SLC7A13: variants seen among roughly 807,000 people sequenced by gnomAD.
The protein encoded by SLC7A13 is solute carrier family 7 member 13.
A neutral mutation model predicts 32.0 loss-of-function variants in SLC7A13; 31 were observed. The observed-to-expected ratio is 0.97, with a 90% CI of 0.73 to 1.31. The LOEUF is 1.31. Ranked by LOEUF, SLC7A13 falls within the 50% of genes most tolerant of loss-of-function variation. The probability of loss-of-function intolerance (pLI) is 0.00; values close to 1 mark genes in which losing one functional copy is unlikely to be tolerated. For synonymous variants in SLC7A13, 232 were observed against 206.9 expected (o/e 1.12, Z -1.04); for missense variants, 633 against 546.9 (o/e 1.16, Z -1.57).
intron 2 of SLC7A13, among the ~76,000 whole-genome samples, chr8:86,222,013 C>G (rs946728821): frequency 2.0e-5 from 3 of 152,110 alleles, no homozygotes; most frequent in Admixed American, 6.6e-5. Flanking sequence ...CCCACAGACA[C>G]TCAGAAGCTT....
intron 1 of SLC7A13, among the ~76,000 whole-genome samples, chr8:86,226,023 C>T (rs1444217534): frequency 6.6e-6 from 1 of 152,124 alleles, no homozygotes; most frequent in Non-Finnish European, 1.5e-5. Flanking sequence ...CTTAGATGTA[C>T]TTAAGACTTA....
At chr8:86,218,617 A>G (rs1346443750) in intron 2 of SLC7A13, among the ~76,000 whole-genome samples, 3 of 152,174 alleles carry the variant, frequency 2.0e-5, no homozygotes, top group South Asian at 2.1e-4. Flanking sequence ...TGTTCATGGT[A>G]CTAAGATTAA....
intron 1 of SLC7A13, among the ~76,000 whole-genome samples, chr8:86,228,649 C>T (rs139587980): frequency 4.7e-4 from 72 of 152,168 alleles, no homozygotes; most frequent in African/African-American, 1.7e-3. Context: ...TGTTCGAGAC[C>T]AACCTGGCCA....
intron 3 of SLC7A13, among the ~76,000 whole-genome samples, chr8:86,217,179 A>G (rs1181545502): frequency 6.6e-6 from 1 of 152,210 alleles, no homozygotes; most frequent in South Asian, 2.1e-4. Flanking sequence ...GACTAGTTAC[A>G]TAAGTAGACA....
chr8:86,215,057 C>A (rs529793644), intron 3 of SLC7A13, among the ~76,000 whole-genome samples: 1 of 152,208 alleles, frequency 6.6e-6, no homozygotes, highest in South Asian at 2.1e-4. Flanking sequence ...CTCAGACTGT[C>A]TGTTACACAG....
Position 86,214,224 on chromosome 8 carries a change from A to C in SLC7A13, c.*189T>G. On this transcript the variant is annotated 3_prime_UTR_variant, in exon 4 of 4. Coordinates refer to ENST00000297524, the MANE Select transcript of SLC7A13 (RefSeq NM_138817.3). The stretch of plus-strand genomic sequence containing the variant: ...ACCATGCGAAGCAGAGCTTTTAGCA[A>C]TTTCTTAGTGACTCTGAAGCCAGGT... The C allele has an allele frequency of 2.1e-6, 1 of 467,672 alleles. No individual in the cohort carries two copies. Among genetic ancestry groups the C allele is most frequent in the Non-Finnish European group, 3.8e-6 (1 of 265,682 alleles). The allele number at this position is 467,672 out of a possible 1,614,324, so 29.0% of individuals were successfully genotyped here. A position where few individuals can be genotyped will look rare whatever the true frequency, so the allele number is the denominator to read the frequency against.
At chr8:86,224,797 G>A (rs1214215941) in intron 1 of SLC7A13, among the ~76,000 whole-genome samples, 1 of 152,064 alleles carries the variant, frequency 6.6e-6, no homozygotes, top group Non-Finnish European at 1.5e-5. Context: ...TTGAAACAAA[G>A]TTCAAGAGAA....
At chr8:86,228,630 G>T (rs901919381) in intron 1 of SLC7A13, among the ~76,000 whole-genome samples, 2 of 152,034 alleles carry the variant, frequency 1.3e-5, no homozygotes, top group African/African-American at 4.8e-5. Context: ...TGGCTCACAT[G>T]AGGCCAAGTG....
In SLC7A13 at chr8:86,214,490, A is replaced by T; in HGVS notation, c.1336T>A (p.Leu446Met). The change falls in exon 4 of 4, where the codon TTG (leucine) becomes ATG (methionine). Residue 446 changes from leucine (L) to methionine (M), a missense_variant. By Grantham distance (15) the Leu-to-Met change is conservative. Transcript: ENST00000297524. ...CAAGTCATCTTCTCAAACCAAGCCA[A>T]TCTTATTTTAAAATGTATTAAAGGT... ...YIPLIHFKIRLAWFEKMTCYL... is the reference protein window; with the variant it reads ...YIPLIHFKIRMAWFEKMTCYL... The T allele has an allele frequency of 6.2e-7, 1 of 1,612,652 alleles. No individual in the cohort carries two copies. Among genetic ancestry groups the T allele is most frequent in the Non-Finnish European group, 8.5e-7 (1 of 1,179,296 alleles).
chr8:86,224,827 A>C (rs1820361559), intron 1 of SLC7A13, among the ~76,000 whole-genome samples: 1 of 152,212 alleles, frequency 6.6e-6, no homozygotes, highest in South Asian at 2.1e-4. Context: ...AATGGTGTTA[A>C]AAAAGAAAGG....
chr8:86,227,758 T>TA (rs1359665670), intron 1 of SLC7A13, among the ~76,000 whole-genome samples: 4 of 152,162 alleles, frequency 2.6e-5, no homozygotes, highest in African/African-American at 9.7e-5. Flanking sequence ...TACACAGCCC[T>TA]AAAAAGAATG....
chr8:86,219,528 C>A (rs1167499529), intron 2 of SLC7A13, among the ~76,000 whole-genome samples: 2 of 152,164 alleles, frequency 1.3e-5, no homozygotes, highest in Admixed American at 1.3e-4. Flanking sequence ...CCTCTCCTCA[C>A]CAGCCTCCCA....
chr8:86,217,864 G>A lies in SLC7A13; in HGVS notation c.818-33C>T, dbSNP rs554045195. The stretch of plus-strand genomic sequence containing the variant: ...AAAACAAAAATACACAAAAGAAAAT[G>A]TGTTAAAAGAGAAATACTAATGATA... On this transcript the variant is annotated intron_variant, in intron 2 of 3. Transcript: ENST00000297524. The A allele has an allele frequency of 3.3e-6, 5 of 1,493,576 alleles. No homozygotes were observed. The East Asian group carries it at 1.2e-4, about 35-fold the overall frequency. 92.5% of individuals were successfully genotyped at this position (1,493,576 alleles called of 1,614,324 possible).
chr8:86,217,440 C>T (rs1423272022), intron 3 of SLC7A13, 30 bp downstream of exon 3: 1 of 1,499,078 alleles, frequency 6.7e-7, no homozygotes, highest in African/African-American at 1.4e-5. Context: ...TGTTATTTCA[C>T]ACAGAAAAGA....
rs112649593 is a variant in SLC7A13 at position 86,226,438 on chromosome 8, C to T, written c.685+3155G>A. On this transcript the variant is annotated intron_variant, in intron 1 of 3. Coordinates refer to ENST00000297524, the MANE Select transcript of SLC7A13 (RefSeq NM_138817.3). ...TGACTTCTTACATTATCAATGATGG[C>T]GCTCCAACCAGTCCTCATGATCCTT... Among the ~76,000 whole-genome samples the T allele has an allele frequency of 5.2e-3, 792 of 152,230 alleles. 6 individuals are homozygous for T. The highest frequency in any genetic ancestry group is 0.017 in the African/African-American group (700 of 41,546).
intron 3 of SLC7A13, among the ~76,000 whole-genome samples, 154 bp downstream of exon 3, chr8:86,217,316 G>A (rs958786119): frequency 2.0e-5 from 3 of 151,984 alleles, no homozygotes; most frequent in South Asian, 2.1e-4. Context: ...CAATAAAAAC[G>A]AAAATTAAAA....
chr8:86,221,107 A>G (rs548245458), intron 2 of SLC7A13, among the ~76,000 whole-genome samples: 2 of 152,170 alleles, frequency 1.3e-5, no homozygotes, highest in East Asian at 1.9e-4. Flanking sequence ...TAAAAATCAC[A>G]TACAATATCA....
Position 86,230,034 on chromosome 8 carries a change from A to T in SLC7A13, c.244T>A (p.Tyr82Asn). 2 of 1,614,178 alleles carry T rather than the reference A, an allele frequency of 1.2e-6. No homozygotes were observed. Among genetic ancestry groups the T allele is most frequent in the Non-Finnish European group, 1.7e-6 (2 of 1,180,022 alleles). Residue 82 changes from tyrosine (Y) to asparagine (N), a missense_variant, in exon 1 of 4, where the codon TAT becomes AAT. Tyr to Asn is a moderately radical substitution (Grantham distance 143). Coordinates refer to ENST00000297524, the MANE Select transcript of SLC7A13 (RefSeq NM_138817.3). ...ISFPCSGAQY[Y>N]FLKRYFGSTV... ...GAGCCAAAGTATCTCTTGAGAAAAT[A>T]GTATTGAGCTCCACTGCATGGGAAG...
intron 3 of SLC7A13, among the ~76,000 whole-genome samples, chr8:86,216,312 A>G (rs1820180882): frequency 6.6e-6 from 1 of 152,192 alleles, no homozygotes; most frequent in East Asian, 1.9e-4. Context: ...GCCCTGCTCT[A>G]GATTAGATCT....
Sources: gnomAD v4.1 joint callset for allele counts (sites outside exome capture counted in the v4.1 genomes callset) on GRCh38, gnomAD v4.1.1 for gene constraint, MANE v1.5 for transcripts, NCBI Gene and HGNC (gene_info 2026-07-23, HGNC 2026-07-21) for gene names.